CNTLN: variants seen among roughly 807,000 people sequenced by gnomAD.
CNTLN encodes the protein centlein, also known as centlein, centrosomal protein.
CNTLN carries 212 observed loss-of-function variants against 180.0 expected under a neutral mutation model. The observed-to-expected ratio is 1.18, with a 90% CI of 1.05 to 1.32. The LOEUF is 1.32. Among genes scored for constraint, CNTLN ranks in the 40% most tolerant of loss-of-function variants. The pLI, the probability that CNTLN is intolerant of heterozygous loss-of-function variation, is 0.00. For missense variants in CNTLN, 2,095 were observed against 1,610.9 expected (o/e 1.30, Z -5.14); for synonymous variants, 722 against 563.1 (o/e 1.28, Z -3.99).
chr9:17,308,273 T>A (rs1818872514), intron 7 of CNTLN, among the ~76,000 whole-genome samples: 1 of 152,130 alleles, frequency 6.6e-6, no homozygotes, highest in South Asian at 2.1e-4. Context: ...CTTAAAAAGG[T>A]TTTAAAGTTA....
chr9:17,415,808 T>G lies in CNTLN; in HGVS notation c.2817T>G (p.Asn939Lys). ...KTPKDYFHDK[N>K]AKKPTFQKKN... ...TTTAGGACTATTTTCATGATAAGAA[T>G]GCCAAAAAACCAACTTTTCAAAAGA... is the stretch of plus-strand genomic sequence containing the variant. Residue 939 changes from asparagine to lysine, a missense_variant, in exon 17 of 26, where the codon AAT (asparagine) becomes AAG (lysine). Coordinates refer to ENST00000380647, the MANE Select transcript of CNTLN (RefSeq NM_017738.4). 1 of 1,609,516 alleles carries G rather than the reference T, an allele frequency of 6.2e-7. No homozygotes were observed. Among genetic ancestry groups the G allele is most frequent in the Non-Finnish European group, 8.5e-7 (1 of 1,176,834 alleles).
chr9:17,230,269 C>T (rs370362280), intron 3 of CNTLN, among the ~76,000 whole-genome samples: 235 of 152,282 alleles, frequency 1.5e-3, no homozygotes, highest in African/African-American at 5.3e-3. Context: ...GTTGTGTTTA[C>T]ATGTTGTTAG....
intron 2 of CNTLN, among the ~76,000 whole-genome samples, chr9:17,149,302 G>A (rs944207157): frequency 6.6e-6 from 1 of 152,000 alleles, no homozygotes; most frequent in African/African-American, 2.4e-5. Flanking sequence ...CTTTATTGTA[G>A]AATGATTTAT....
chr9:17,472,991 T>C (rs535433047), intron 23 of CNTLN, among the ~76,000 whole-genome samples: 1 of 152,288 alleles, frequency 6.6e-6, no homozygotes, highest in African/African-American at 2.4e-5. Context: ...ATCGTCACTT[T>C]CTTGCATATA....
intron 5 of CNTLN, among the ~76,000 whole-genome samples, chr9:17,248,626 AAATC>A (rs1825946107): frequency 5.3e-5 from 8 of 149,544 alleles, no homozygotes; most frequent in Admixed American, 4.0e-4. Flanking sequence ...TCAACTAAGA[AAATC>A]AATAATAGAA....
Position 17,301,706 on chromosome 9 carries a change from ATTC to A in CNTLN, c.1146+3360_1146+3362del, listed in dbSNP as rs939633585. The A allele has an allele frequency of 5.3e-4, 504 of 954,990 alleles. 4 individuals are homozygous for A. The African/African-American group carries it at 7.5e-3, about 14-fold the overall frequency. The allele number at this position is 954,990 out of a possible 1,614,324, so 59.2% of individuals were successfully genotyped here. A position where few individuals can be genotyped will look rare whatever the true frequency, so the allele number is the denominator to read the frequency against. On this transcript the variant is annotated intron_variant, in intron 7 of 25. Transcript: ENST00000380647. Reference sequence around the variant, plus strand: ...CCTCAACTAGACTCAATTTGAAAATATTCTTCTTATTTATTTATTCTTTATAAA... The same window carrying A: ...CCTCAACTAGACTCAATTTGAAAATATTCTTATTTATTTATTCTTTATAAA...
rs1413239388 is a variant in CNTLN at position 17,332,837 on chromosome 9, T to G, written c.1644+107T>G. The G allele has an allele frequency of 6.6e-6, 5 of 762,588 alleles. No individual in the cohort carries two copies. In the East Asian group the frequency reaches 1.7e-4, roughly 26 times the overall value. The allele number at this position is 762,588 out of a possible 1,614,324, so 47.2% of individuals were successfully genotyped here. ...AGTTGTCCTTTTTCTTTCCTGAATT[T>G]AATTGCCTGTATAAAAGTGTATAAT... On this transcript the variant is annotated intron_variant, in intron 10 of 25. Transcript: ENST00000380647.
At chr9:17,524,635 C>T in the CNTLN span, among the ~76,000 whole-genome samples, 2 of 152,212 alleles carry the variant, frequency 1.3e-5, no homozygotes, top group African/African-American at 4.8e-5. Context: ...TTGCTCATAA[C>T]ATTGAATGCA....
At chr9:17,139,772 A>G (rs1312622649) in intron 1 of CNTLN, among the ~76,000 whole-genome samples, 2 of 152,138 alleles carry the variant, frequency 1.3e-5, no homozygotes, top group Non-Finnish European at 2.9e-5. Flanking sequence ...TGGTGCAATC[A>G]TGGCTCATTG....
At chr9:17,310,744 C>T (rs988023847) in intron 8 of CNTLN, among the ~76,000 whole-genome samples, 1 of 152,120 alleles carries the variant, frequency 6.6e-6, no homozygotes, top group African/African-American at 2.4e-5. Context: ...TGTTGTCAGA[C>T]TTCTTAATTC....
the CNTLN span, among the ~76,000 whole-genome samples, chr9:17,525,634 T>C: frequency 4.6e-5 from 7 of 152,260 alleles, no homozygotes; most frequent in African/African-American, 1.2e-4. Flanking sequence ...TTCAACTAAA[T>C]AGAATGATAA....
chr9:17,294,670 G>T (rs1350247248), intron 6 of CNTLN, among the ~76,000 whole-genome samples: 1 of 148,260 alleles, frequency 6.7e-6, no homozygotes, highest in Non-Finnish European at 1.5e-5. Flanking sequence ...CCAGTCCCGT[G>T]CCCTCCACCA....
intron 12 of CNTLN, among the ~76,000 whole-genome samples, chr9:17,351,510 C>A (rs1822360569): frequency 6.6e-6 from 1 of 152,174 alleles, no homozygotes; most frequent in Non-Finnish European, 1.5e-5. Context: ...GTATTATAAT[C>A]TATCAGTTTC....
intron 6 of CNTLN, among the ~76,000 whole-genome samples, chr9:17,296,453 A>G (rs866916986): frequency 6.6e-6 from 1 of 152,148 alleles, no homozygotes; most frequent in South Asian, 2.1e-4. Flanking sequence ...TAAATTTGCT[A>G]TGTTTTAACA....
intron 2 of CNTLN, among the ~76,000 whole-genome samples, chr9:17,147,009 A>G (rs188124774): frequency 1.1e-3 from 161 of 152,246 alleles, no homozygotes; most frequent in African/African-American, 3.6e-3. Context: ...ATTTTCTTCA[A>G]GTGTATAATG....
chr9:17,304,804 CATTCTT>C (rs1350509344), intron 7 of CNTLN, among the ~76,000 whole-genome samples: 1 of 152,070 alleles, frequency 6.6e-6, no homozygotes, highest in Non-Finnish European at 1.5e-5. Context: ...GATTCCATCT[CATTCTT>C]ATAAGTAATC....
chr9:17,197,464 G>C (rs1014793418), intron 2 of CNTLN, among the ~76,000 whole-genome samples: 2 of 152,042 alleles, frequency 1.3e-5, no homozygotes, highest in Non-Finnish European at 2.9e-5. Flanking sequence ...GTGCAGTTTT[G>C]TTACATATGT....
intron 20 of CNTLN, among the ~76,000 whole-genome samples, chr9:17,463,471 C>G (rs963171677): frequency 2.6e-5 from 4 of 151,522 alleles, no homozygotes; most frequent in Admixed American, 6.6e-5. Flanking sequence ...TTTAAATGCT[C>G]TATCCCACTG....
intron 18 of CNTLN, among the ~76,000 whole-genome samples, chr9:17,430,011 C>T (rs192550556): frequency 6.6e-6 from 1 of 152,046 alleles, no homozygotes; most frequent in African/African-American, 2.4e-5. Flanking sequence ...TAGCTAAACA[C>T]TTTGAACACA....
Sources: gnomAD v4.1 joint callset for allele counts (sites outside exome capture counted in the v4.1 genomes callset) on GRCh38, gnomAD v4.1.1 for gene constraint, MANE v1.5 for transcripts, NCBI Gene and HGNC (gene_info 2026-07-23, HGNC 2026-07-21) for gene names.